Variants in LPIN1 observed in about 807,000 individuals in gnomAD.
The protein encoded by LPIN1 is lipin 1, also known as phosphatidate phosphatase LPIN1.
LPIN1 carries 71 observed loss-of-function variants against 107.5 expected under a neutral mutation model. The ratio of observed to expected loss-of-function variants is 0.66; its 90% CI spans 0.55 to 0.80. The LOEUF (loss-of-function observed/expected upper bound fraction) is 0.80, where lower values mean the gene tolerates loss of function less well. Among genes scored for constraint, LPIN1 ranks in the 30% least tolerant of loss-of-function variants. The probability of loss-of-function intolerance (pLI) is 0.00; values close to 1 mark genes in which losing one functional copy is unlikely to be tolerated. For missense variants in LPIN1, 1,043 were observed against 1,160.6 expected (o/e 0.90, Z 1.47); for synonymous variants, 445 against 452.6 (o/e 0.98, Z 0.21).
chr2:11,735,752 C>G (rs1665734960), intron 1 of LPIN1, among the ~76,000 whole-genome samples: 1 of 152,230 alleles, frequency 6.6e-6, no homozygotes, highest in Non-Finnish European at 1.5e-5. Context: ...TATAGGCAAA[C>G]AGCATTTACA....
intron 2 of LPIN1, among the ~76,000 whole-genome samples, chr2:11,718,378 C>T (rs1260026217): frequency 6.6e-6 from 1 of 151,328 alleles, no homozygotes; most frequent in East Asian, 1.9e-4. Context: ...CAGGTGCCCA[C>T]TACCATGCCC....
At chr2:11,795,273 C>G in intron 13 of LPIN1, 135 bp from the exon 14 acceptor site, 1 of 747,350 alleles carries the variant, frequency 1.3e-6, no homozygotes, top group East Asian at 2.7e-5. Context: ...CCTGGGCGAT[C>G]GCTAGGGTGG....
intron 1 of LPIN1, among the ~76,000 whole-genome samples, chr2:11,761,007 G>A (rs759011345): frequency 3.3e-5 from 5 of 152,196 alleles, no homozygotes; most frequent in African/African-American, 4.8e-5. Flanking sequence ...AATCCAGAGA[G>A]CCCCTCTTCA....
At chr2:11,732,183 A>T (rs73181399) in intron 1 of LPIN1, among the ~76,000 whole-genome samples, 5,390 of 152,272 alleles carry the variant, frequency 0.035, 316 homozygotes, top group African/African-American at 0.12. Flanking sequence ...AACAACTTTG[A>T]TGTGGTGTGA....
chr2:11,804,962 A>T (rs945866870), intron 16 of LPIN1, 108 bp from the exon 17 acceptor site: 5 of 759,870 alleles, frequency 6.6e-6, no homozygotes, highest in African/African-American at 1.8e-5. Flanking sequence ...TCCAGAAAGA[A>T]AGTTGTGGGT....
chr2:11,701,767 C>T (rs1288250740), intron 1 of LPIN1, among the ~76,000 whole-genome samples: 1 of 152,186 alleles, frequency 6.6e-6, no homozygotes, highest in Non-Finnish European at 1.5e-5. Flanking sequence ...AGGATTTGAG[C>T]TTAACCAGTC....
At chr2:11,710,954 G>A (rs73181372) in intron 1 of LPIN1, among the ~76,000 whole-genome samples, 5,693 of 152,218 alleles carry the variant, frequency 0.037, 206 homozygotes, top group African/African-American at 0.092. Flanking sequence ...TGGTGTTCTT[G>A]TGTTTATATT....
chr2:11,729,425 G>C (rs968234309), intron 1 of LPIN1, among the ~76,000 whole-genome samples: 1 of 152,192 alleles, frequency 6.6e-6, no homozygotes, highest in Non-Finnish European at 1.5e-5. Context: ...CTCCAATCCT[G>C]TCTGCTTTTA....
intron 20 of LPIN1, among the ~76,000 whole-genome samples, chr2:11,822,004 TG>T (rs1157542533): frequency 3.3e-5 from 5 of 152,164 alleles, no homozygotes; most frequent in Non-Finnish European, 7.4e-5. Flanking sequence ...ACTGTGACAA[TG>T]TCTCGTTCCC....
intron 20 of LPIN1, among the ~76,000 whole-genome samples, chr2:11,822,107 A>G (rs1312975810): frequency 6.6e-6 from 1 of 152,034 alleles, no homozygotes; most frequent in Non-Finnish European, 1.5e-5. Context: ...TAATAAAGAC[A>G]TGGACCCAAG....
chr2:11,760,847 C>T (rs1045800340), intron 1 of LPIN1, among the ~76,000 whole-genome samples: 2 of 152,094 alleles, frequency 1.3e-5, no homozygotes, highest in Non-Finnish European at 2.9e-5. Context: ...GGGAGGTGGT[C>T]TCATCATTCG....
At chr2:11,746,760 A>G (rs1667000490) in intron 1 of LPIN1, 89 bp downstream of exon 1, 3 of 687,564 alleles carry the variant, frequency 4.4e-6, no homozygotes, top group Non-Finnish European at 5.4e-6. Flanking sequence ...CGGGGCGCTG[A>G]GGACGCGTGG....
intron 20 of LPIN1, 47 bp downstream of exon 20, chr2:11,820,561 T>C (rs762508424): frequency 7.2e-7 from 1 of 1,388,294 alleles, no homozygotes; most frequent in African/African-American, 1.4e-5. Context: ...AGTACTATTA[T>C]CTTAAAACGG....
intron 8 of LPIN1, among the ~76,000 whole-genome samples, chr2:11,783,418 G>C (rs1558898578): frequency 6.6e-6 from 1 of 152,202 alleles, no homozygotes; most frequent in Non-Finnish European, 1.5e-5. Flanking sequence ...GCCACACGAT[G>C]GTGGATGACG....
chr2:11,754,976 ATTT>A (rs1216469676), intron 1 of LPIN1, among the ~76,000 whole-genome samples: 2 of 138,944 alleles, frequency 1.4e-5, no homozygotes, highest in Non-Finnish European at 3.1e-5. Context: ...ATTTCTTCTA[ATTT>A]TTTTTTTTTT....
chr2:11,802,768 G>A (rs572951205), intron 14 of LPIN1, 139 bp from the exon 15 acceptor site: 8 of 929,962 alleles, frequency 8.6e-6, no homozygotes, highest in East Asian at 7.2e-5. Flanking sequence ...TAAATTTAAC[G>A]TCTTATGGTA....
chr2:11,785,161 A>G (rs1674330664), intron 10 of LPIN1, 85 bp downstream of exon 10: 7 of 1,056,582 alleles, frequency 6.6e-6, no homozygotes, highest in African/African-American at 3.2e-5. Flanking sequence ...AGTGCGTGTC[A>G]AGGCAGCTTT....
intron 18 of LPIN1, chr2:11,818,526 C>G (rs1240236325): frequency 6.6e-6 from 1 of 151,124 alleles, no homozygotes; most frequent in Non-Finnish European, 1.5e-5. Context: ...TTTTTTGGTA[C>G]ATTGACTTGT....
intron 18 of LPIN1, chr2:11,818,071 G>A (rs1680900473): frequency 6.6e-6 from 1 of 152,222 alleles, no homozygotes; most frequent in Admixed American, 6.5e-5. Flanking sequence ...GCAAAGGCCT[G>A]GACGAATTGG....
Sources: allele counts gnomAD v4.1 joint callset (sites outside exome capture counted in the v4.1 genomes callset), GRCh38; gene constraint gnomAD v4.1.1; transcripts MANE v1.5; gene names NCBI Gene and HGNC (gene_info 2026-07-23, HGNC 2026-07-21).